Variants in ADAM22 observed in about 807,000 individuals in gnomAD.
ADAM22 encodes ADAM metallopeptidase domain 22, also known as disintegrin and metalloproteinase domain-containing protein 22.
ADAM22 carries 65 observed loss-of-function variants against 144.6 expected under a neutral mutation model. That is an observed-to-expected ratio of 0.45 (90% CI 0.37 to 0.55). The LOEUF is 0.55. Ranked by LOEUF, ADAM22 falls within the 20% of genes least tolerant of loss-of-function variation. The pLI is 0.00. For synonymous variants in ADAM22, 391 were observed against 412.6 expected (o/e 0.95, Z 0.63); for missense variants, 974 against 1,184.9 (o/e 0.82, Z 2.61).
At chr7:88,158,592 G>C (rs965097380) in intron 22 of ADAM22, among the ~76,000 whole-genome samples, 1 of 151,870 alleles carries the variant, frequency 6.6e-6, no homozygotes, top group African/African-American at 2.4e-5. Context: ...TAGAAATCGA[G>C]ACTTAAATTT....
chr7:87,971,962 G>C (rs1019345882), intron 2 of ADAM22, among the ~76,000 whole-genome samples: 1 of 152,202 alleles, frequency 6.6e-6, no homozygotes, highest in Non-Finnish European at 1.5e-5. Flanking sequence ...AGGCCAAGGC[G>C]GGTGGATCAC....
chr7:88,087,038 CAG>C (rs1191820562), intron 4 of ADAM22, among the ~76,000 whole-genome samples: 1 of 152,056 alleles, frequency 6.6e-6, no homozygotes, highest in African/African-American at 2.4e-5. Context: ...AAACGAGACA[CAG>C]AGAAGATATA....
chr7:88,125,626 T>G lies in ADAM22; in HGVS notation c.645T>G (p.Ile215Met). 2 of 1,593,746 alleles carry G rather than the reference T, an allele frequency of 1.3e-6. No homozygotes were observed. The highest frequency in any genetic ancestry group is 1.7e-6 in the Non-Finnish European group (2 of 1,171,760). Residue 215 changes from isoleucine (I) to methionine (M), a missense_variant, in exon 8 of 32, where the codon ATT (isoleucine) becomes ATG (methionine). By Grantham distance (10) the Ile-to-Met change is conservative. Around this residue, in one of 2 missense-constraint regions of ADAM22, gnomAD observed 734 missense variants for 950.6 expected, o/e 0.77. Coordinates refer to ENST00000413139, the MANE Select transcript of ADAM22 (RefSeq NM_001324418.2). ...TAAACATTACTCCATCAAAATTTATTTTGAAGCCAAGACCAAAAAGGAGTA... is the reference window on the plus strand; with the variant it reads ...TAAACATTACTCCATCAAAATTTATGTTGAAGCCAAGACCAAAAAGGAGTA... ...QQVNITPSKF[I>M]LKPRPKRSKR...
intron 31 of ADAM22, among the ~76,000 whole-genome samples, chr7:88,195,715 C>A (rs923973007): frequency 1.3e-5 from 2 of 151,890 alleles, no homozygotes; most frequent in African/African-American, 4.8e-5. Flanking sequence ...GACGGGGTTT[C>A]ACCGTGTTAT....
At position 88,189,711 on chromosome 7, in the gene ADAM22, C is replaced by G. The variant is rs182681315; in HGVS notation, c.2750+3010C>G. 8.5e-3 allele frequency among the ~76,000 whole-genome samples: 1,294 copies of G among 152,162 alleles called. 13 individuals are homozygous for G. The highest frequency in any genetic ancestry group is 0.027 in the African/African-American group (1,133 of 41,514). On this transcript the variant is annotated intron_variant, in intron 30 of 31. Transcript: ENST00000413139. ...CTGTAATCCCAGCACTTTGGGAGGC[C>G]AAGGTGGGCAGATCATGAGGTCAGG...
chr7:88,008,385 C>T lies in ADAM22; in HGVS notation c.323+29973C>T, dbSNP rs1184503071. 2.3e-3 allele frequency among the ~76,000 whole-genome samples: 342 copies of T among 150,292 alleles called. 2 individuals carry two copies. The highest frequency in any genetic ancestry group is 7.8e-3 in the African/African-American group (320 of 41,092). ...GAACTAGAAATACCATTTGACCCAGCCATCCCATTACTGGGTATATACCCA... is the reference window on the plus strand; with the variant it reads ...GAACTAGAAATACCATTTGACCCAGTCATCCCATTACTGGGTATATACCCA... On this transcript the variant is annotated intron_variant, in intron 3 of 31. Transcript: ENST00000413139.
intron 2 of ADAM22, among the ~76,000 whole-genome samples, chr7:87,968,630 C>T (rs1849703360): frequency 2.6e-5 from 4 of 151,982 alleles, no homozygotes; most frequent in Admixed American, 1.3e-4. Flanking sequence ...GCTGAGGTGG[C>T]AGGATCACTT....
At chr7:88,115,386 T>G (rs1420427529) in intron 6 of ADAM22, among the ~76,000 whole-genome samples, 1 of 152,200 alleles carries the variant, frequency 6.6e-6, no homozygotes, top group Admixed American at 6.5e-5. Context: ...TACTGTAGAC[T>G]GGGTGGCTTA....
At chr7:88,056,231 AT>A (rs1243892910) in intron 3 of ADAM22, among the ~76,000 whole-genome samples, 1 of 152,070 alleles carries the variant, frequency 6.6e-6, no homozygotes, top group Admixed American at 6.5e-5. Flanking sequence ...ACAATGCTTA[AT>A]TTTTATTAAA....
chr7:88,104,638 A>G (rs1823858013), intron 4 of ADAM22, among the ~76,000 whole-genome samples: 1 of 151,952 alleles, frequency 6.6e-6, no homozygotes, highest in Non-Finnish European at 1.5e-5. Flanking sequence ...TAAAGGAAAT[A>G]AAAGCTTCAT....
Position 88,181,476 on chromosome 7 carries a change from G to T in ADAM22, c.2496-29G>T, listed in dbSNP as rs752153002. On this transcript the variant is annotated intron_variant, in intron 27 of 31. Coordinates refer to ENST00000413139, the MANE Select transcript of ADAM22 (RefSeq NM_001324418.2). ...AAAACATTCATTTGGTTACATTTTT[G>T]AACAATTTATCAATATTTTCAATTT... is the stretch of plus-strand genomic sequence containing the variant. The T allele has an allele frequency of 1.4e-5, 22 of 1,590,160 alleles. No individual in the cohort carries two copies. In the Admixed American group the frequency reaches 3.5e-4, roughly 25 times the overall value.
intron 3 of ADAM22, among the ~76,000 whole-genome samples, chr7:88,063,219 G>A (rs972661973): frequency 6.6e-6 from 1 of 151,956 alleles, no homozygotes; most frequent in African/African-American, 2.4e-5. Flanking sequence ...AATAAAACAA[G>A]GTATGCCTGT....
At chr7:88,138,411 T>C (rs1169812337) in intron 14 of ADAM22, among the ~76,000 whole-genome samples, 2 of 152,206 alleles carry the variant, frequency 1.3e-5, no homozygotes, top group African/African-American at 2.4e-5. Flanking sequence ...GCTGTGTACA[T>C]TGGAATTCTT....
intron 2 of ADAM22, among the ~76,000 whole-genome samples, chr7:87,969,725 T>A (rs567408337): frequency 6.6e-6 from 1 of 152,358 alleles, no homozygotes; most frequent in South Asian, 2.1e-4. Flanking sequence ...TTAAAGTTTG[T>A]TCTTTAAAAA....
rs1334725994 is a variant in ADAM22 at position 88,053,587 on chromosome 7, GGAAGGAAAGAAAGAAAGAAAGAAA to G, written c.324-22035_324-22012del. On this transcript the variant is annotated intron_variant, in intron 3 of 31. Coordinates refer to ENST00000413139, the MANE Select transcript of ADAM22 (RefSeq NM_001324418.2). ...AAGAAGGAAGGAGGAAAGGAAGGAA[GGAAGGAAAGAAAGAAAGAAAGAAA>G]GAAAGAAAGAAAGAAAGAAAGAAAG... 1.3e-3 allele frequency among the ~76,000 whole-genome samples: 154 copies of G among 119,232 alleles called. 3 individuals are homozygous for G. Among genetic ancestry groups the G allele is most frequent in the Middle Eastern group, 9.3e-3 (2 of 216 alleles). The allele number at this position is 119,232 out of a possible 152,430, so 78.2% of individuals were successfully genotyped here. A position where few individuals can be genotyped will look rare whatever the true frequency, so the allele number is the denominator to read the frequency against.
chr7:88,118,489 A>G (rs1207266480), intron 7 of ADAM22, among the ~76,000 whole-genome samples: 2 of 152,100 alleles, frequency 1.3e-5, no homozygotes, highest in African/African-American at 2.4e-5. Context: ...CTATTCTGAT[A>G]AGAAAATAAG....
At chr7:87,943,989 G>A (rs1842964298) in intron 2 of ADAM22, among the ~76,000 whole-genome samples, 1 of 152,088 alleles carries the variant, frequency 6.6e-6, no homozygotes, top group Admixed American at 6.5e-5. Flanking sequence ...CTGCAGATAG[G>A]CCTTGAGAGC....
chr7:87,956,291 T>C (rs923957370), intron 2 of ADAM22, among the ~76,000 whole-genome samples: 18 of 152,088 alleles, frequency 1.2e-4, no homozygotes, highest in African/African-American at 4.3e-4. Context: ...GAAAGTAGCT[T>C]TAAGACCAGA....
rs141352129 is a variant in ADAM22 at position 88,054,862 on chromosome 7, A to G, written c.324-20764A>G. On this transcript the variant is annotated intron_variant, in intron 3 of 31. Coordinates refer to ENST00000413139, the MANE Select transcript of ADAM22 (RefSeq NM_001324418.2). The stretch of plus-strand genomic sequence containing the variant: ...TAGATAGGGCCTTAGTGATCATTTT[A>G]TATGTTTACTTTATTAGTGAAAAGT... Among the ~76,000 whole-genome samples the G allele has an allele frequency of 1.2e-3, 187 of 152,218 alleles. 3 individuals carry two copies. The highest frequency in any genetic ancestry group is 4.4e-3 in the African/African-American group (181 of 41,536).
Sources: allele counts gnomAD v4.1 joint callset (sites outside exome capture counted in the v4.1 genomes callset), GRCh38; gene constraint gnomAD v4.1.1; regional missense constraint gnomAD v4.1.1; transcripts MANE v1.5; gene names NCBI Gene and HGNC (gene_info 2026-07-23, HGNC 2026-07-21).